Variants in GUCY2F observed in about 807,000 individuals in gnomAD.
GUCY2F encodes the protein retinal guanylyl cyclase 2.
Under a neutral mutation model 73.1 loss-of-function variants are expected in GUCY2F, and 61 were observed. That is an observed-to-expected ratio of 0.83 (90% CI 0.68 to 1.03). The LOEUF (loss-of-function observed/expected upper bound fraction) is 1.03. Ranked by LOEUF, GUCY2F falls within the 50% of genes least tolerant of loss-of-function variation. GUCY2F has a pLI of 0.00. For synonymous variants in GUCY2F, 331 were observed against 307.8 expected (o/e 1.08, Z -0.79); for missense variants, 912 against 854.3 (o/e 1.07, Z -0.84).
Position 109,375,930 on chromosome X carries a change from G to A in GUCY2F, c.3296C>T (p.Ala1099Val), listed in dbSNP as rs770550094. The change falls in exon 19 of 20, where the codon GCA becomes GTA. Residue 1099 changes from alanine to valine, a missense_variant. By Grantham distance (64) the Ala-to-Val change is moderately conservative (BLOSUM62 0). Transcript: ENST00000218006. Reference sequence around the variant, plus strand: ...CTTGTTTCTCACCAACTGCCTTTCTGCTTTTCTTCTTTGGAAGGCTGCAAT... The same window carrying A: ...CTTGTTTCTCACCAACTGCCTTTCTACTTTTCTTCTTTGGAAGGCTGCAAT... The part of the protein sequence containing the change: ...VEIAAFQRRK[A>V]ERQLVRNKP 99 of 1,208,762 alleles carry A rather than the reference G, an allele frequency of 8.2e-5. No homozygotes were observed. The South Asian group carries it at 1.7e-3, about 21-fold the overall frequency.
At position 109,377,005 on chromosome X, in the gene GUCY2F, C is replaced by T. The variant is rs762317962; in HGVS notation, c.3151-838G>A. 1.4e-3 allele frequency among the ~76,000 whole-genome samples: 152 copies of T among 112,127 alleles called. 1 individual carries two copies. The highest frequency in any genetic ancestry group is 4.6e-3 in the Middle Eastern group (1 of 218). ...CCAACTCATTAATCTGAAATATGGTCTCACTCACAGCAGCTCTCATTTGGA... is the reference window on the plus strand; with the variant it reads ...CCAACTCATTAATCTGAAATATGGTTTCACTCACAGCAGCTCTCATTTGGA... On this transcript the variant is annotated intron_variant, in intron 17 of 19. Coordinates refer to ENST00000218006, the MANE Select transcript of GUCY2F (RefSeq NM_001522.3).
chrX:109,430,505 A>G (rs1446065123), intron 7 of GUCY2F, 109 bp from the exon 8 acceptor site: 1 of 503,213 alleles, frequency 2.0e-6, no homozygotes, highest in Non-Finnish European at 3.4e-6. Flanking sequence ...CAATCCAAAT[A>G]GACATTTTCC....
Position 109,481,920 on chromosome X carries a change from T to C in GUCY2F, c.-140A>G, listed in dbSNP as rs1373200846. 8.9e-6 allele frequency: 1 copy of C among 111,884 alleles called. No individual in the cohort carries two copies. The highest frequency in any genetic ancestry group is 1.9e-5 in the Non-Finnish European group (1 of 53,134). 9.2% of individuals were successfully genotyped at this position (111,884 alleles called of 1,213,427 possible). A position where few individuals can be genotyped will look rare whatever the true frequency, so the allele number is the denominator to read the frequency against. ...TTTACTGCCTGCGCATGCAGACCAC[T>C]GGCATAGCTACCTCAGTGTGTCCAT... On this transcript the variant is annotated 5_prime_UTR_variant, in exon 1 of 20. Coordinates refer to ENST00000218006, the MANE Select transcript of GUCY2F (RefSeq NM_001522.3).
chrX:109,450,551 C>T (rs770690477), intron 5 of GUCY2F, among the ~76,000 whole-genome samples: 18 of 112,052 alleles, frequency 1.6e-4, no homozygotes, highest in African/African-American at 4.9e-4. Flanking sequence ...TTTATTTTTG[C>T]TAAGAATCTA....
intron 3 of GUCY2F, among the ~76,000 whole-genome samples, chrX:109,457,794 T>C (rs899512485): frequency 1.8e-5 from 2 of 111,408 alleles, no homozygotes; most frequent in Non-Finnish European, 3.8e-5. Context: ...TCCCCAAGCT[T>C]TCTAAGAAAT....
At chrX:109,379,141 G>A (rs1251808625) in intron 17 of GUCY2F, among the ~76,000 whole-genome samples, 1 of 112,254 alleles carries the variant, frequency 8.9e-6, no homozygotes, top group Admixed American at 9.4e-5. Flanking sequence ...GGCAAATACT[G>A]CATGTTTTCA....
chrX:109,451,790 A>G (rs1932139545), intron 5 of GUCY2F, among the ~76,000 whole-genome samples: 1 of 111,473 alleles, frequency 9.0e-6, no homozygotes, highest in African/African-American at 3.3e-5. Flanking sequence ...TGAGAGCCAG[A>G]TCTATTCACA....
Position 109,475,820 on chromosome X carries a change from C to T in GUCY2F, c.117G>A (p.Leu39=), listed in dbSNP as rs1932680815. 1.7e-6 allele frequency: 2 copies of T among 1,209,209 alleles called. No individual in the cohort carries two copies. Among genetic ancestry groups the T allele is most frequent in the Admixed American group, 2.2e-5 (1 of 45,654 alleles). The change falls in exon 2 of 20, where the codon CTG becomes CTA. Residue 39 remains leucine, a synonymous_variant. Transcript: ENST00000218006. ...SAKFLWCLCL[L]SVMSLPQQVW... is the part of the protein sequence containing the mutation. ...CCTGCTGCGGAAGGGACATGACAGACAGAAGGCACAAGCACCACAGGAACT... is the reference window on the plus strand; with the variant it reads ...CCTGCTGCGGAAGGGACATGACAGATAGAAGGCACAAGCACCACAGGAACT...
intron 7 of GUCY2F, among the ~76,000 whole-genome samples, chrX:109,431,729 C>T (rs1188918220): frequency 2.8e-5 from 3 of 107,347 alleles, no homozygotes; most frequent in African/African-American, 1.0e-4. Flanking sequence ...TGTAACCACT[C>T]TCTTATTAAG....
chrX:109,415,615 G>A (rs1931221274), intron 8 of GUCY2F, among the ~76,000 whole-genome samples: 1 of 112,199 alleles, frequency 8.9e-6, no homozygotes, highest in Non-Finnish European at 1.9e-5. Flanking sequence ...CTTTCAAAGT[G>A]GAGGAGAGAG....
intron 2 of GUCY2F, among the ~76,000 whole-genome samples, chrX:109,466,485 G>C (rs1932472467): frequency 9.0e-6 from 1 of 111,726 alleles, no homozygotes; most frequent in South Asian, 3.7e-4. Context: ...TGCTAGAATA[G>C]AGTGGATTCA....
intron 2 of GUCY2F, among the ~76,000 whole-genome samples, chrX:109,468,422 T>C (rs1011335848): frequency 1.4e-4 from 16 of 111,936 alleles, no homozygotes; most frequent in African/African-American, 5.2e-4. Context: ...GGAAGAGAGC[T>C]TGTACACTTG....
chrX:109,474,768 G>A (rs1225243184), intron 2 of GUCY2F, among the ~76,000 whole-genome samples: 5 of 111,779 alleles, frequency 4.5e-5, no homozygotes, highest in South Asian at 3.8e-4. Context: ...ACTGGGTACC[G>A]TTGAAGGAAA....
rs1251477310 is a variant in GUCY2F at position 109,453,767 on chromosome X, A to T, written c.1125T>A (p.Ala375=). The T allele has an allele frequency of 8.4e-7, 1 of 1,196,404 alleles. No individual in the cohort carries two copies. The highest frequency in any genetic ancestry group is 1.7e-5 in the African/African-American group (1 of 57,597). Residue 375 remains alanine (A), a synonymous_variant, in exon 4 of 20, where the codon GCT becomes GCA. Transcript: ENST00000218006. ...NAMKENGQAG[A]ASLVQHSRNM... ...TTCTGGAATGCTGAACCAGGCTGGC[A>T]GCACCAGCCTGTCCATTTTCTTTCA...
At chrX:109,471,805 C>A (rs764745521) in intron 2 of GUCY2F, among the ~76,000 whole-genome samples, 1 of 112,008 alleles carries the variant, frequency 8.9e-6, no homozygotes, top group Non-Finnish European at 1.9e-5. Context: ...GTGAGACTCA[C>A]AGGTATTGTA....
Position 109,450,709 on chromosome X carries a change from A to T in GUCY2F, c.1472+1314T>A, listed in dbSNP as rs1249687908. Among the ~76,000 whole-genome samples the T allele has an allele frequency of 3.6e-5, 4 of 112,413 alleles. No individual in the cohort carries two copies. The East Asian group carries it at 1.1e-3, about 31-fold the overall frequency. ...TCTTTATCAAGTGTTTTAACAATTC[A>T]TAAGTTACCTACGACTCTGTGCGAC... On this transcript the variant is annotated intron_variant, in intron 5 of 19. Transcript: ENST00000218006.
chrX:109,454,046 T>C (rs181620075), intron 3 of GUCY2F, among the ~76,000 whole-genome samples, 187 bp from the exon 4 acceptor site: 1,616 of 110,106 alleles, frequency 0.015, 34 homozygotes, highest in African/African-American at 0.051. Context: ...TGTTTTTTTT[T>C]CCCCCAGGCT....
intron 8 of GUCY2F, among the ~76,000 whole-genome samples, chrX:109,414,350 T>C (rs996704441): frequency 9.0e-6 from 1 of 111,519 alleles, no homozygotes; most frequent in Non-Finnish European, 1.9e-5. Flanking sequence ...ATTTTTATTT[T>C]GTTGTAAAGA....
chrX:109,404,571 GA>G (rs1392137240), intron 9 of GUCY2F, 87 bp from the exon 10 acceptor site: 13 of 625,092 alleles, frequency 2.1e-5, no homozygotes, highest in Admixed American at 1.2e-4. Context: ...TTAATGGCAT[GA>G]GCTATTATGA....
Sources: allele counts gnomAD v4.1 joint callset (sites outside exome capture counted in the v4.1 genomes callset), GRCh38; gene constraint gnomAD v4.1.1; transcripts MANE v1.5; gene names NCBI Gene and HGNC (gene_info 2026-07-23, HGNC 2026-07-21).